MAP3K9: variants seen among roughly 807,000 people sequenced by gnomAD.
The protein encoded by MAP3K9 is mixed lineage kinase 1 (tyr and ser/thr specificity).
In MAP3K9, 46 loss-of-function variants were observed where a neutral mutation model predicts 95.8. The ratio of observed to expected loss-of-function variants is 0.48; its 90% CI spans 0.38 to 0.61. The LOEUF (loss-of-function observed/expected upper bound fraction) is 0.61, where lower values mean the gene tolerates loss of function less well. MAP3K9 is among the 20% of genes least tolerant of loss of function. The probability of loss-of-function intolerance (pLI) is 0.00; values close to 1 mark genes in which losing one functional copy is unlikely to be tolerated. For missense variants in MAP3K9, 1,296 were observed against 1,474.3 expected (o/e 0.88, Z 1.98); for synonymous variants, 533 against 593.8 (o/e 0.90, Z 1.49).
chr14:70,737,670 G>T (rs2054003673), intron 8 of MAP3K9, among the ~76,000 whole-genome samples: 1 of 152,180 alleles, frequency 6.6e-6, no homozygotes, highest in South Asian at 2.1e-4. Context: ...TATTCTGCCT[G>T]CCCCTGCTTC....
intron 2 of MAP3K9, among the ~76,000 whole-genome samples, chr14:70,769,476 T>C (rs1169065690): frequency 1.3e-5 from 2 of 152,238 alleles, no homozygotes; most frequent in Non-Finnish European, 2.9e-5. Flanking sequence ...TGAAGCTGTG[T>C]GTTGTAGCCT....
chr14:70,778,276 ATTTTTT>A (rs71105734), intron 2 of MAP3K9, among the ~76,000 whole-genome samples: 3 of 122,854 alleles, frequency 2.4e-5, no homozygotes, highest in Admixed American at 1.6e-4. Flanking sequence ...ACGCCCAGCT[ATTTTTT>A]TTTTTTTTTT....
At chr14:70,807,537 A>G (rs976153168) in intron 1 of MAP3K9, among the ~76,000 whole-genome samples, 9 of 152,214 alleles carry the variant, frequency 5.9e-5, no homozygotes, top group Non-Finnish European at 1.0e-4. Context: ...GGGGTAAAAA[A>G]TAACTTACAG....
intron 2 of MAP3K9, among the ~76,000 whole-genome samples, chr14:70,789,935 C>T (rs1186990373): frequency 6.6e-6 from 1 of 152,160 alleles, no homozygotes; most frequent in African/African-American, 2.4e-5. Context: ...TGAGCCCCAC[C>T]TGGAAAAGCC....
chr14:70,781,049 C>T (rs1472854763), intron 2 of MAP3K9, among the ~76,000 whole-genome samples: 1 of 152,224 alleles, frequency 6.6e-6, no homozygotes, highest in East Asian at 1.9e-4. Context: ...CTGTGCTTTT[C>T]CCCAGTGTGA....
At chr14:70,735,881 T>A (rs886622350) in intron 9 of MAP3K9, 80 bp downstream of exon 9, 1 of 1,100,400 alleles carries the variant, frequency 9.1e-7, no homozygotes, top group African/African-American at 1.5e-5. Flanking sequence ...CTTGATTCTA[T>A]GGGGTATGCT....
At position 70,726,674 on chromosome 14, in the gene MAP3K9, G is replaced by A. The variant is rs1477342497; in HGVS notation, c.*3706C>T. The A allele has an allele frequency of 6.6e-6, 1 of 152,218 alleles. No homozygotes were observed. The highest frequency in any genetic ancestry group is 1.5e-5 in the Non-Finnish European group (1 of 68,018). 9.4% of individuals were successfully genotyped at this position (152,218 alleles called of 1,614,324 possible). Reference sequence around the variant, plus strand: ...ATGGGCCCGACCAGGGCCCCCATTAGTCATGCTCAACCACCTCCAAATCAC... The same window carrying A: ...ATGGGCCCGACCAGGGCCCCCATTAATCATGCTCAACCACCTCCAAATCAC... On this transcript the variant is annotated 3_prime_UTR_variant, in exon 12 of 12. Transcript: ENST00000554752.
intron 2 of MAP3K9, among the ~76,000 whole-genome samples, chr14:70,782,297 C>T (rs948926565): frequency 6.6e-6 from 1 of 152,162 alleles, no homozygotes; most frequent in Non-Finnish European, 1.5e-5. Flanking sequence ...ATAGCAGGCA[C>T]GTCAATTTCT....
At position 70,761,199 on chromosome 14, in the gene MAP3K9, A is replaced by G; in HGVS notation, c.821-17T>C. 6.3e-7 allele frequency: 1 copy of G among 1,589,152 alleles called. No homozygotes were observed. Among genetic ancestry groups the G allele is most frequent in the Non-Finnish European group, 8.6e-7 (1 of 1,165,176 alleles). On this transcript the variant is annotated splice_polypyrimidine_tract_variant and intron_variant, in intron 2 of 11. Coordinates refer to ENST00000554752, the MANE Select transcript of MAP3K9 (RefSeq NM_001284230.2). ...GGATCAATACTAGGCAAGGAAAAGAATACAGAAGAAACCAGAGTCTGCATT... is the reference window on the plus strand; with the variant it reads ...GGATCAATACTAGGCAAGGAAAAGAGTACAGAAGAAACCAGAGTCTGCATT...
In MAP3K9 at chr14:70,727,793, A is replaced by C. The variant is rs1301766133; in HGVS notation, c.*2587T>G. On this transcript the variant is annotated 3_prime_UTR_variant, in exon 12 of 12. Coordinates refer to ENST00000554752, the MANE Select transcript of MAP3K9 (RefSeq NM_001284230.2). ...AGGTACAATTATTTCCTTAGCAAAG[A>C]CCCAGGCTTGCTTTATCTTTCCCCA... 1 of 152,226 alleles carries C rather than the reference A, an allele frequency of 6.6e-6. No individual in the cohort carries two copies. Among genetic ancestry groups the C allele is most frequent in the Admixed American group, 6.5e-5 (1 of 15,286 alleles). The allele number at this position is 152,226 out of a possible 1,614,324, so 9.4% of individuals were successfully genotyped here.
chr14:70,769,692 C>T (rs1169860613), intron 2 of MAP3K9, among the ~76,000 whole-genome samples: 4 of 152,174 alleles, frequency 2.6e-5, no homozygotes, highest in Admixed American at 6.5e-5. Flanking sequence ...CTCGTAGCAG[C>T]GTTAAGTCTA....
Position 70,809,053 on chromosome 14 carries a change from GCCGCCTCCTCCT to G in MAP3K9, c.107_118del (p.Glu36_Ala39del). On this transcript the variant is annotated inframe_deletion, in exon 1 of 12. Transcript: ENST00000554752. ...CAGCTCCCCGGGGCCCACCGCCGCC[GCCGCCTCCTCCT>G]CCTCCTCCTCCTCCTCCTCGGCCCC... 1 of 1,457,378 alleles carries G rather than the reference GCCGCCTCCTCCT, an allele frequency of 6.9e-7. No homozygotes were observed. The highest frequency in any genetic ancestry group is 1.4e-5 in the South Asian group (1 of 71,520). 90.3% of individuals were successfully genotyped at this position (1,457,378 alleles called of 1,614,324 possible). A position where few individuals can be genotyped will look rare whatever the true frequency, so the allele number is the denominator to read the frequency against.
At chr14:70,800,340 T>C (rs1344738828) in intron 2 of MAP3K9, among the ~76,000 whole-genome samples, 1 of 152,094 alleles carries the variant, frequency 6.6e-6, no homozygotes, top group Non-Finnish European at 1.5e-5. Flanking sequence ...TTTGTGATAA[T>C]ATTCACACTT....
At chr14:70,779,756 CA>C (rs1414228328) in intron 2 of MAP3K9, among the ~76,000 whole-genome samples, 1 of 152,258 alleles carries the variant, frequency 6.6e-6, no homozygotes, top group African/African-American at 2.4e-5. Flanking sequence ...AGACCAGATG[CA>C]ATTCCACAGT....
chr14:70,784,614 G>A (rs1238351345), intron 2 of MAP3K9, among the ~76,000 whole-genome samples: 2 of 151,974 alleles, frequency 1.3e-5, no homozygotes. Flanking sequence ...GTGGTGGCAG[G>A]CGTCAGTAAT....
At chr14:70,766,941 C>T (rs2332458) in intron 2 of MAP3K9, among the ~76,000 whole-genome samples, 135,707 of 152,212 alleles carry the variant, frequency 0.89, 60,564 homozygotes, top group Middle Eastern at 0.93. Flanking sequence ...CTTCTAATCA[C>T]TCCTGACTGC....
intron 3 of MAP3K9, among the ~76,000 whole-genome samples, chr14:70,755,499 G>A (rs758512121): frequency 2.6e-5 from 4 of 152,242 alleles, no homozygotes; most frequent in Non-Finnish European, 5.9e-5. Context: ...AAATGGAAAT[G>A]ATGATCCCTA....
intron 5 of MAP3K9, among the ~76,000 whole-genome samples, chr14:70,744,271 C>T (rs1387996565): frequency 2.0e-5 from 3 of 152,000 alleles, no homozygotes; most frequent in African/African-American, 7.2e-5. Context: ...TGCAGCTAAC[C>T]ACCATGGCAC....
chr14:70,802,790 T>A (rs2054944979), intron 1 of MAP3K9, among the ~76,000 whole-genome samples: 1 of 152,224 alleles, frequency 6.6e-6, no homozygotes, highest in African/African-American at 2.4e-5. Context: ...AGAGATTCTG[T>A]CTGCCCTATT....
Sources: allele counts gnomAD v4.1 joint callset (sites outside exome capture counted in the v4.1 genomes callset), GRCh38; gene constraint gnomAD v4.1.1; transcripts MANE v1.5; gene names NCBI Gene and HGNC (gene_info 2026-07-23, HGNC 2026-07-21).